The following PDGFRB variants were observed in gnomAD, a reference collection of about 807,000 sequenced individuals.
PDGFRB encodes platelet derived growth factor receptor beta.
A neutral mutation model predicts 120.2 loss-of-function variants in PDGFRB; 42 were observed. The observed-to-expected ratio is 0.35, with a 90% CI of 0.27 to 0.45. The LOEUF is 0.45. Ranked by LOEUF, PDGFRB falls within the 20% of genes least tolerant of loss-of-function variation. The probability of loss-of-function intolerance (pLI) is 1.00; values close to 1 mark genes in which losing one functional copy is unlikely to be tolerated. For missense variants in PDGFRB, 1,149 were observed against 1,476.3 expected (o/e 0.78, Z 3.63); for synonymous variants, 586 against 606.8 (o/e 0.97, Z 0.50).
intron 10 of PDGFRB, 135 bp downstream of exon 10, chr5:150,129,622 G>A: frequency 1.5e-6 from 1 of 672,444 alleles, no homozygotes; most frequent in Non-Finnish European, 2.6e-6. Context: ...ACACAACAGG[G>A]TTTCACAATG....
chr5:150,117,538 GCGCGCGCACA>G lies in PDGFRB; in HGVS notation c.3137+70_3137+79del, dbSNP rs1203948395. 4.0e-4 allele frequency: 237 copies of G among 585,828 alleles called. 1 individual carries two copies. The African/African-American group carries it at 4.2e-3, about 10-fold the overall frequency. 36.3% of individuals were successfully genotyped at this position (585,828 alleles called of 1,614,324 possible). On this transcript the variant is annotated intron_variant, in intron 22 of 22. Transcript: ENST00000261799. ...GAGGCAAACCTGGCAGCGCGCGCGC[GCGCGCGCACA>G]CACACACACACACACACACACACAC...
At position 150,132,771 on chromosome 5, in the gene PDGFRB, G is replaced by A. The variant is rs375343084; in HGVS notation, c.1106C>T (p.Thr369Met). 117 of 1,613,096 alleles carry A rather than the reference G, an allele frequency of 7.3e-5. No individual in the cohort carries two copies. Among genetic ancestry groups the A allele is most frequent in the Middle Eastern group, 1.6e-4 (1 of 6,076 alleles). ...TCACCGGGTCTCCGACACGTTGCGC[G>A]TGGACAGGGCGATTTCGCCAGCGCT... ...DSSAGEIALS[T>M]RNVSETRYVS... is the part of the protein sequence containing the mutation. Residue 369 changes from threonine to methionine, a missense_variant, in exon 7 of 23, where the codon ACG (threonine) becomes ATG (methionine). Around this residue, in one of 3 missense-constraint regions of PDGFRB, gnomAD observed 879 missense variants for 1,108.6 expected, o/e 0.79. Coordinates refer to ENST00000261799, the MANE Select transcript of PDGFRB (RefSeq NM_002609.4). The surrounding 1 kb of genome is among the most constrained non-coding windows in gnomAD (Gnocchi z 5.0).
chr5:150,154,730 C>T (rs1184457120), intron 1 of PDGFRB, among the ~76,000 whole-genome samples: 1 of 152,198 alleles, frequency 6.6e-6, no homozygotes, highest in Middle Eastern at 3.2e-3. Context: ...TGGCTGACCC[C>T]TTCTTCACAG....
At position 150,119,485 on chromosome 5, in the gene PDGFRB, G is replaced by T; in HGVS notation, c.2780C>A (p.Ala927Asp). 1 of 1,603,060 alleles carries T rather than the reference G, an allele frequency of 6.2e-7. No homozygotes were observed. The highest frequency in any genetic ancestry group is 8.5e-7 in the Non-Finnish European group (1 of 1,169,896). Reference sequence around the variant, plus strand: ...CACTCACATCTCGTCGGAGGCATGGGCAGGCTGGGCCATGCGGTAACCCCG... The same window carrying T: ...CACTCACATCTCGTCGGAGGCATGGTCAGGCTGGGCCATGCGGTAACCCCG... ...IKRGYRMAQP[A>D]HASDEIYEIM... The change falls in exon 20 of 23, where the codon GCC (alanine) becomes GAC (aspartate). Residue 927 changes from alanine (A) to aspartate (D), a missense_variant. Transcript: ENST00000261799.
At chr5:150,117,532 GCGCGCGCGCGCGCACACACACACACACA>G (rs1759981538) in intron 22 of PDGFRB, 58 bp downstream of exon 22, 4 of 618,854 alleles carry the variant, frequency 6.5e-6, no homozygotes, top group Non-Finnish European at 1.1e-5. Flanking sequence ...CTGGCAGCGC[GCGCGCGCGCGCGCACACACACACACACA>G]CACACACACA....
intron 1 of PDGFRB, among the ~76,000 whole-genome samples, chr5:150,154,266 C>A (rs1054601575): frequency 2.0e-5 from 3 of 152,074 alleles, no homozygotes; most frequent in African/African-American, 7.2e-5. Flanking sequence ...CAGGATGGTG[C>A]GCATTCCTTC....
intron 22 of PDGFRB, among the ~76,000 whole-genome samples, chr5:150,116,337 G>A (rs926910551): frequency 1.3e-5 from 2 of 152,190 alleles, no homozygotes; most frequent in Admixed American, 6.5e-5. Flanking sequence ...CACTGGCCGG[G>A]CGTGGTGGCT....
At chr5:150,119,381 T>C in intron 20 of PDGFRB, 86 bp downstream of exon 20, 1 of 792,670 alleles carries the variant, frequency 1.3e-6, no homozygotes. Flanking sequence ...AGCTAACAAA[T>C]CTCTCATCTT....
At chr5:150,143,373 A>G (rs1760833486) in intron 1 of PDGFRB, among the ~76,000 whole-genome samples, 1 of 152,102 alleles carries the variant, frequency 6.6e-6, no homozygotes, top group Non-Finnish European at 1.5e-5. Context: ...TCTTGGGAGC[A>G]CTTTCAGGGC....
chr5:150,127,695 G>T (rs560532863), intron 10 of PDGFRB, among the ~76,000 whole-genome samples: 1 of 151,868 alleles, frequency 6.6e-6, no homozygotes, highest in African/African-American at 2.4e-5. Flanking sequence ...ATAGCTGGGC[G>T]TGGTGGTGGA....
chr5:150,119,632 C>T, intron 19 of PDGFRB, 66 bp from the exon 20 acceptor site: 1 of 960,342 alleles, frequency 1.0e-6, no homozygotes, highest in South Asian at 1.3e-5. Flanking sequence ...GCACCCTCTT[C>T]TACAGGACAA....
At chr5:150,122,506 G>T (rs1449013098) in intron 15 of PDGFRB, among the ~76,000 whole-genome samples, 1 of 152,284 alleles carries the variant, frequency 6.6e-6, no homozygotes, top group African/African-American at 2.4e-5. Context: ...TGGCTCCTGG[G>T]AGACTGAATG....
chr5:150,143,031 C>G (rs12171503), intron 1 of PDGFRB, among the ~76,000 whole-genome samples: 1 of 151,982 alleles, frequency 6.6e-6, no homozygotes, highest in Non-Finnish European at 1.5e-5. Flanking sequence ...CCTGGACCAC[C>G]GAGCCATGAT....
chr5:150,130,025 A>G, intron 9 of PDGFRB, 57 bp from the exon 10 acceptor site: 1 of 1,352,688 alleles, frequency 7.4e-7, no homozygotes, highest in Admixed American at 1.7e-5. Context: ...AGACAGGGAA[A>G]CTGAGGAGAA....
At chr5:150,119,427 G>T in intron 20 of PDGFRB, 40 bp downstream of exon 20, 2 of 1,112,750 alleles carry the variant, frequency 1.8e-6, no homozygotes, top group Non-Finnish European at 2.8e-6. Flanking sequence ...TCTATTGTTT[G>T]CAGCACAAAA....
rs917757168 is a variant in PDGFRB at position 150,114,985 on chromosome 5, G to A, written c.*778C>T. On this transcript the variant is annotated 3_prime_UTR_variant, in exon 23 of 23. Transcript: ENST00000261799. Reference sequence around the variant, plus strand: ...GGCCCGTCTGGCCTTCTAGACTCTGGTGGATGGATTAAGACTGAGGGTGAT... The same window carrying A: ...GGCCCGTCTGGCCTTCTAGACTCTGATGGATGGATTAAGACTGAGGGTGAT... The A allele has an allele frequency of 4.3e-6, 1 of 233,148 alleles. No individual in the cohort carries two copies. Among genetic ancestry groups the A allele is most frequent in the East Asian group, 6.0e-5 (1 of 16,566 alleles). The allele number at this position is 233,148 out of a possible 1,614,324, so 14.4% of individuals were successfully genotyped here. A position where few individuals can be genotyped will look rare whatever the true frequency, so the allele number is the denominator to read the frequency against.
At chr5:150,141,065 A>C (rs1278983039) in intron 1 of PDGFRB, among the ~76,000 whole-genome samples, 1 of 152,234 alleles carries the variant, frequency 6.6e-6, no homozygotes, top group South Asian at 2.1e-4. Flanking sequence ...ACAGATGCAC[A>C]GATGCCTGCC....
chr5:150,116,034 C>A, intron 22 of PDGFRB, 88 bp from the exon 23 acceptor site: 2 of 1,165,474 alleles, frequency 1.7e-6, no homozygotes, highest in South Asian at 1.5e-5. Flanking sequence ...GTGTGTCCAC[C>A]CCTGCACCGT....
chr5:150,123,230 C>T (rs1310960494), intron 14 of PDGFRB, 29 bp from the exon 15 acceptor site: 1 of 1,589,302 alleles, frequency 6.3e-7, no homozygotes, highest in Non-Finnish European at 8.6e-7. Flanking sequence ...AGGGACAGTC[C>T]CTATGGAGGC....
Sources: gnomAD v4.1 joint callset for allele counts (sites outside exome capture counted in the v4.1 genomes callset) on GRCh38, gnomAD v4.1.1 for gene constraint, gnomAD v4.1.1 regional missense constraint, Gnocchi (gnomAD v3.1) non-coding constraint, MANE v1.5 for transcripts, NCBI Gene and HGNC (gene_info 2026-07-23, HGNC 2026-07-21) for gene names.